The following AFG3L2 variants were observed in gnomAD, a reference collection of about 807,000 sequenced individuals.
AFG3L2 encodes the protein mitochondrial inner membrane m-AAA protease component AFG3L2.
In AFG3L2, 54 loss-of-function variants were observed where a neutral mutation model predicts 94.5. That is an observed-to-expected ratio of 0.57 (90% CI 0.46 to 0.72). AFG3L2 has a LOEUF of 0.72. Among genes scored for constraint, AFG3L2 ranks in the 30% least tolerant of loss-of-function variants. AFG3L2 has a pLI of 0.00. For synonymous variants in AFG3L2, 377 were observed against 365.5 expected, an observed-to-expected ratio of 1.03 and a Z score of -0.36; for missense variants, 754 against 994.9, an observed-to-expected ratio of 0.76 and a Z score of 3.26.
intron 1 of AFG3L2, among the ~76,000 whole-genome samples, chr18:12,372,896 G>A (rs1361733306): frequency 2.0e-5 from 3 of 152,198 alleles, no homozygotes; most frequent in Non-Finnish European, 4.4e-5. Flanking sequence ...AGAGAAATGC[G>A]AAATGATTAC....
chr18:12,354,420 T>C (rs145700760), intron 9 of AFG3L2, among the ~76,000 whole-genome samples: 1 of 152,242 alleles, frequency 6.6e-6, no homozygotes, highest in African/African-American at 2.4e-5. Context: ...CCACTGCTGC[T>C]GCCAAAATAA....
At chr18:12,334,314 C>T (rs1907675918) in intron 16 of AFG3L2, among the ~76,000 whole-genome samples, 1 of 152,218 alleles carries the variant, frequency 6.6e-6, no homozygotes, top group African/African-American at 2.4e-5. Context: ...CTTAGTTGTG[C>T]AGCGTGAGTC....
At position 12,352,072 on chromosome 18, in the gene AFG3L2, G is replaced by A. The variant is rs1424532008; in HGVS notation, c.1319-659C>T. Among the ~76,000 whole-genome samples, 8 of 152,110 alleles carry A rather than the reference G, an allele frequency of 5.3e-5. No homozygotes were observed. The East Asian group carries it at 1.3e-3, about 26-fold the overall frequency. On this transcript the variant is annotated intron_variant, in intron 10 of 16. Transcript: ENST00000269143. ...ATGTGTCTGACACCCTGGGCCACAG[G>A]ACAACCAACTGCCTATCTGAAGGCA...
At chr18:12,335,458 T>C (rs1325928497) in intron 16 of AFG3L2, among the ~76,000 whole-genome samples, 4 of 151,132 alleles carry the variant, frequency 2.6e-5, no homozygotes, top group Non-Finnish European at 5.9e-5. Context: ...CCTCCTTCCC[T>C]TCCTGCCACT....
chr18:12,371,969 A>C (rs1313425881), intron 1 of AFG3L2, among the ~76,000 whole-genome samples: 1 of 152,230 alleles, frequency 6.6e-6, no homozygotes, highest in Non-Finnish European at 1.5e-5. Context: ...TTATGTGACA[A>C]CACATTCACT....
rs562607718 is a variant in AFG3L2, at chr18:12,336,001, T to C, written c.2175+1340A>G. On this transcript the variant is annotated intron_variant, in intron 16 of 16. Coordinates refer to ENST00000269143, the MANE Select transcript of AFG3L2 (RefSeq NM_006796.3). ...GCAAAATTATAACAGCAAGAGAAAT[T>C]TGGCATGGCTGACTCCATCTTGCTT... is the stretch of plus-strand genomic sequence containing the variant. Among the ~76,000 whole-genome samples the C allele has an allele frequency of 5.9e-5, 9 of 152,322 alleles. No homozygotes were observed. In the East Asian group the frequency reaches 1.7e-3, roughly 29 times the overall value.
intron 1 of AFG3L2, among the ~76,000 whole-genome samples, chr18:12,373,529 G>A (rs1425163461): frequency 6.6e-6 from 1 of 152,034 alleles, no homozygotes; most frequent in Non-Finnish European, 1.5e-5. Flanking sequence ...AATATGAAGG[G>A]GTCTTTATAT....
chr18:12,334,458 C>T lies in AFG3L2; in HGVS notation c.2175+2883G>A, dbSNP rs563708345. The stretch of plus-strand genomic sequence containing the variant: ...TTCTGCATTCCTGTCTTTCACAGCT[C>T]AACACCTGGCTATCTGGCAGCCCTG... On this transcript the variant is annotated intron_variant, in intron 16 of 16. Transcript: ENST00000269143. Among the ~76,000 whole-genome samples the T allele has an allele frequency of 2.0e-4, 31 of 152,264 alleles. 1 individual carries two copies. The South Asian group carries it at 6.4e-3, about 32-fold the overall frequency.
chr18:12,366,948 T>G lies in AFG3L2; in HGVS notation c.552+17A>C. On this transcript the variant is annotated intron_variant, in intron 5 of 16. Transcript: ENST00000269143. ...ACCTTTGAACCACAACAGCCACCAA[T>G]CCCATAAAATACTTACTACTCCTTT... is the stretch of plus-strand genomic sequence containing the variant. The G allele has an allele frequency of 6.2e-7, 1 of 1,613,956 alleles. No homozygotes were observed. The highest frequency in any genetic ancestry group is 8.5e-7 in the Non-Finnish European group (1 of 1,179,822).
In AFG3L2 at chr18:12,353,140, G is replaced by C; in HGVS notation, c.1183C>G (p.Leu395Val). Residue 395 changes from leucine (L) to valine (V), a missense_variant, in exon 10 of 17, where the codon CTT becomes GTT. By Grantham distance (32) the Leu-to-Val change is conservative. This residue lies in a region of AFG3L2 where 109 missense variants were observed against 227.1 expected (regional missense o/e 0.48). Transcript: ENST00000269143. ...GPARVRDLFA[L>V]ARKNAPCILF... ...ATGCAAGGGGCATTCTTCCGAGCAA[G>C]GGCAAATAAGTCTCGGACCTTGGCA... 6.2e-7 allele frequency: 1 copy of C among 1,614,054 alleles called. No homozygotes were observed. Among genetic ancestry groups the C allele is most frequent in the Admixed American group, 1.7e-5 (1 of 60,006 alleles).
chr18:12,377,037 G>A lies in AFG3L2; in HGVS notation c.46C>T (p.Pro16Ser), dbSNP rs1277914690. ...ACGAGGAGCTGCTGTAGGCCGCGGG[G>A]CCAGCAGCCGCCCCGGCCCCACAGC... ...LRLWGRGGCW[P>S]RGLQQLLVPG... Residue 16 changes from proline to serine, a missense_variant, in exon 1 of 17, where the codon CCC becomes TCC. Transcript: ENST00000269143. 1.4e-5 allele frequency: 20 copies of A among 1,439,344 alleles called. No homozygotes were observed. Among genetic ancestry groups the A allele is most frequent in the Non-Finnish European group, 1.7e-5 (19 of 1,098,350 alleles). 89.2% of individuals were successfully genotyped at this position (1,439,344 alleles called of 1,614,324 possible).
rs189177049 is a variant in AFG3L2 at position 12,344,280 on chromosome 18, T to C, written c.1664-33A>G. The C allele has an allele frequency of 1.6e-5, 25 of 1,543,588 alleles. 1 individual carries two copies. The East Asian group carries it at 2.2e-4, about 14-fold the overall frequency. ...AATAACAACAAAAAAACCCAAGCCA[T>C]TGTTACAGTGACACTGACATTAAAA... On this transcript the variant is annotated intron_variant, in intron 13 of 16. Coordinates refer to ENST00000269143, the MANE Select transcript of AFG3L2 (RefSeq NM_006796.3).
intron 5 of AFG3L2, among the ~76,000 whole-genome samples, 175 bp downstream of exon 5, chr18:12,366,790 G>C (rs988017218): frequency 5.9e-5 from 9 of 152,176 alleles, no homozygotes; most frequent in African/African-American, 1.4e-4. Context: ...GAGGACACCA[G>C]GTCAAAACAC....
At chr18:12,370,443 AACTG>A (rs1470740589) in intron 3 of AFG3L2, among the ~76,000 whole-genome samples, 2 of 151,486 alleles carry the variant, frequency 1.3e-5, no homozygotes, top group Non-Finnish European at 2.9e-5. Context: ...ACAGCTTCAC[AACTG>A]ACTTACTATA....
At chr18:12,350,749 C>A (rs2143163169) in intron 12 of AFG3L2, among the ~76,000 whole-genome samples, 1 of 152,252 alleles carries the variant, frequency 6.6e-6, no homozygotes, top group South Asian at 2.1e-4. Flanking sequence ...AGTTTCGGGC[C>A]AGCCTGTGCA....
chr18:12,363,902 T>A, intron 5 of AFG3L2, 46 bp from the exon 6 acceptor site: 1 of 1,355,838 alleles, frequency 7.4e-7, no homozygotes, highest in Non-Finnish European at 1.1e-6. Context: ...CAGAAAATAC[T>A]TGAGATACTC....
intron 13 of AFG3L2, among the ~76,000 whole-genome samples, chr18:12,347,680 AG>A (rs1908188891): frequency 6.6e-6 from 1 of 151,780 alleles, no homozygotes; most frequent in Middle Eastern, 3.2e-3. Flanking sequence ...CCTCCCAAGT[AG>A]CTGAGACTTC....
At chr18:12,372,246 G>A (rs1909015005) in intron 1 of AFG3L2, among the ~76,000 whole-genome samples, 1 of 152,234 alleles carries the variant, frequency 6.6e-6, no homozygotes, top group Non-Finnish European at 1.5e-5. Flanking sequence ...AGAAGTTGCA[G>A]TGAGCCGAGA....
intron 13 of AFG3L2, among the ~76,000 whole-genome samples, chr18:12,346,069 A>T (rs1027462484): frequency 6.6e-6 from 1 of 151,942 alleles, no homozygotes; most frequent in African/African-American, 2.4e-5. Context: ...TTCCTCCTCC[A>T]CATCCCTGTG....
Sources: allele counts gnomAD v4.1 joint callset (sites outside exome capture counted in the v4.1 genomes callset), GRCh38; gene constraint gnomAD v4.1.1; regional missense constraint gnomAD v4.1.1; transcripts MANE v1.5; gene names NCBI Gene and HGNC (gene_info 2026-07-23, HGNC 2026-07-21).